PTPRH: variants seen among roughly 807,000 people sequenced by gnomAD.
The protein encoded by PTPRH is receptor-type tyrosine-protein phosphatase H.
In PTPRH, 113 loss-of-function variants were observed where a neutral mutation model predicts 130.2. The observed-to-expected ratio is 0.87, with a 90% CI of 0.75 to 1.01. The LOEUF is 1.01. Ranked by LOEUF, PTPRH falls within the 50% of genes least tolerant of loss-of-function variation. The pLI, the probability that PTPRH is intolerant of heterozygous loss-of-function variation, is 0.00. For synonymous variants in PTPRH, 556 were observed against 577.9 expected, an observed-to-expected ratio of 0.96 and a Z score of 0.54; for missense variants, 1,430 against 1,425.0, an observed-to-expected ratio of 1.00 and a Z score of -0.06.
At chr19:55,208,025 G>A (rs1300161977) in intron 1 of PTPRH, among the ~76,000 whole-genome samples, 1 of 21,862 alleles carries the variant, frequency 4.6e-5, no homozygotes, top group Admixed American at 3.1e-4. Context: ...TGGGGGTCTC[G>A]ACCTCTGGTT....
Position 55,186,511 on chromosome 19 carries a change from T to A in PTPRH, c.2596A>T (p.Ile866Phe). 6.7e-7 allele frequency: 1 copy of A among 1,488,562 alleles called. No individual in the cohort carries two copies. The highest frequency in any genetic ancestry group is 1.2e-5 in the South Asian group (1 of 86,034). The allele number at this position is 1,488,562 out of a possible 1,614,324, so 92.2% of individuals were successfully genotyped here. Residue 866 changes from isoleucine to phenylalanine, a missense_variant, in exon 15 of 20, where the codon ATC becomes TTC. Ile to Phe is a conservative substitution (Grantham distance 21). Coordinates refer to ENST00000376350, the MANE Select transcript of PTPRH (RefSeq NM_002842.5). Reference sequence around the variant, plus strand: ...TAGTCAGAGCCTGGCTCCTCATGGATGGGCTTCAGGGGCACCCGGGACCAG... The same window carrying A: ...TAGTCAGAGCCTGGCTCCTCATGGAAGGGCTTCAGGGGCACCCGGGACCAG... ...YDWSRVPLKP[I>F]HEEPGSDYIN...
intron 7 of PTPRH, among the ~76,000 whole-genome samples, chr19:55,199,817 G>A (rs1320783708): frequency 1.4e-5 from 2 of 145,662 alleles, no homozygotes; most frequent in African/African-American, 2.6e-5. Flanking sequence ...AGGAAAGAAA[G>A]AGAAAGAGAG....
At chr19:55,196,409 T>A in intron 10 of PTPRH, 113 bp downstream of exon 10, 1 of 1,316,000 alleles carries the variant, frequency 7.6e-7, no homozygotes, top group East Asian at 2.3e-5. Context: ...ATAAAAAAGA[T>A]GTTTCAAAGG....
In PTPRH at chr19:55,186,261, G is replaced by T. The variant is rs1264606291; in HGVS notation, c.2742C>A (p.Thr914=). ...WRLVWEQQSH[T]LVMLTNCMEA... is the part of the protein sequence containing the mutation. ...CCATGCAGTTGGTCAGCATGACCAG[G>T]GTGTGGCTCTGCTGTTCCCACACCA... Residue 914 remains threonine (T), a synonymous_variant, in exon 16 of 20, where the codon ACC becomes ACA. Transcript: ENST00000376350. 6 of 1,613,520 alleles carry T rather than the reference G, an allele frequency of 3.7e-6. No homozygotes were observed. The African/African-American group carries it at 6.7e-5, about 18-fold the overall frequency.
At chr19:55,207,032 C>G (rs2087087970) in intron 2 of PTPRH, 77 bp from the exon 3 acceptor site, 1 of 1,551,478 alleles carries the variant, frequency 6.4e-7, no homozygotes, top group South Asian at 1.2e-5. Flanking sequence ...AGCTCACGCC[C>G]CAAGTCCAGA....
At chr19:55,195,113 T>A (rs1344862572) in intron 10 of PTPRH, among the ~76,000 whole-genome samples, 1 of 151,564 alleles carries the variant, frequency 6.6e-6, no homozygotes, top group East Asian at 1.9e-4. Context: ...TCACCGGAGG[T>A]CAGGAGTTTG....
At chr19:55,187,927 A>T in intron 13 of PTPRH, 151 bp downstream of exon 13, 1 of 638,154 alleles carries the variant, frequency 1.6e-6, no homozygotes, top group Admixed American at 2.6e-5. Flanking sequence ...GTGGAAAGAT[A>T]ACATGGCTGG....
rs761655592 is a variant in PTPRH, at chr19:55,182,039, G to A, written c.3175C>T (p.Arg1059Trp). The change falls in exon 19 of 20, where the codon CGG (arginine) becomes TGG (tryptophan). Residue 1059 changes from arginine to tryptophan, a missense_variant. Coordinates refer to ENST00000376350, the MANE Select transcript of PTPRH (RefSeq NM_002842.5). ...ACCTCAGTCTGCACCATCAACGGCC[G>A]ACTCTCTCTCATCTTCCTTACAAAG... ...FSFVRKMRES[R>W]PLMVQTEAQY... The A allele has an allele frequency of 1.6e-5, 26 of 1,613,994 alleles. 1 individual carries two copies. Among genetic ancestry groups the A allele is most frequent in the South Asian group, 5.5e-5 (5 of 91,076 alleles).
chr19:55,195,712 T>G (rs1006837236), intron 10 of PTPRH, among the ~76,000 whole-genome samples: 12 of 152,242 alleles, frequency 7.9e-5, no homozygotes, highest in African/African-American at 2.9e-4. Context: ...TAGCTAGGAC[T>G]ACAGACACAC....
At position 55,201,929 on chromosome 19, in the gene PTPRH, G is replaced by T. The variant is rs532888215; in HGVS notation, c.1153+127C>A. 3.5e-6 allele frequency: 5 copies of T among 1,422,666 alleles called. No individual in the cohort carries two copies. The Admixed American group carries it at 8.6e-5, about 25-fold the overall frequency. 88.1% of individuals were successfully genotyped at this position (1,422,666 alleles called of 1,614,324 possible). ...CATCTCCTGAGCTGAGACTGCCCCA[G>T]GATGTGGACATGAGTACCTGGCTCA... is the stretch of plus-strand genomic sequence containing the variant. On this transcript the variant is annotated intron_variant, in intron 6 of 19. Transcript: ENST00000376350.
At position 55,181,819 on chromosome 19, in the gene PTPRH, C is replaced by T; in HGVS notation, c.3283G>A (p.Glu1095Lys). ...TCGTAGATGAGGTTTTCGACATCCT[C>T]ATACGGGACTTCCTTCTCGGCTGGG... ...QAPAEKEVPYEDVENLIYENV... is the reference protein window; with the variant it reads ...QAPAEKEVPYKDVENLIYENV... The change falls in exon 20 of 20, where the codon GAG (glutamate) becomes AAG (lysine). Residue 1095 changes from glutamate (E) to lysine (K), a missense_variant. Transcript: ENST00000376350. 2 of 1,614,222 alleles carry T rather than the reference C, an allele frequency of 1.2e-6. No homozygotes were observed. The highest frequency in any genetic ancestry group is 1.7e-6 in the Non-Finnish European group (2 of 1,180,044).
At position 55,197,267 on chromosome 19, in the gene PTPRH, G is replaced by C; in HGVS notation, c.1840C>G (p.Pro614Ala). Residue 614 changes from proline (P) to alanine (A), a missense_variant, in exon 9 of 20, where the codon CCC becomes GCC. Transcript: ENST00000376350. ...SKGHPRRGQD[P>A]QANWVNQTSR... Reference sequence around the variant, plus strand: ...GTCTGGTTGACCCAATTCGCTTGGGGATCTTGCCCCCTCCGGGGATGTCCC... The same window carrying C: ...GTCTGGTTGACCCAATTCGCTTGGGCATCTTGCCCCCTCCGGGGATGTCCC... 2 of 1,614,250 alleles carry C rather than the reference G, an allele frequency of 1.2e-6. No homozygotes were observed. Among genetic ancestry groups the C allele is most frequent in the Non-Finnish European group, 1.7e-6 (2 of 1,180,050 alleles).
chr19:55,187,651 T>C, intron 13 of PTPRH, 48 bp from the exon 14 acceptor site: 3 of 1,423,742 alleles, frequency 2.1e-6, no homozygotes, highest in Non-Finnish European at 3.0e-6. Context: ...TTTCTCTACT[T>C]TCCCTCGGGG....
intron 5 of PTPRH, among the ~76,000 whole-genome samples, chr19:55,203,139 T>C (rs569767878): frequency 1.3e-4 from 19 of 150,064 alleles, no homozygotes; most frequent in South Asian, 2.1e-4. Context: ...CCATCCTGGC[T>C]AACACGGTGA....
chr19:55,186,015 A>G lies in PTPRH; in HGVS notation c.2779-31T>C, dbSNP rs777900306. ...GGAGGAGGAGGGGTCAGAGAACACAACTCCTCTTACCCAGGTCTGTGGGGT... is the reference window on the plus strand; with the variant it reads ...GGAGGAGGAGGGGTCAGAGAACACAGCTCCTCTTACCCAGGTCTGTGGGGT... On this transcript the variant is annotated intron_variant, in intron 16 of 19. Transcript: ENST00000376350. The G allele has an allele frequency of 1.9e-6, 3 of 1,613,370 alleles. No homozygotes were observed. The Admixed American group carries it at 5.0e-5, about 27-fold the overall frequency.
Position 55,206,923 on chromosome 19 carries a change from T to C in PTPRH, c.118A>G (p.Thr40Ala), listed in dbSNP as rs747477074. Reference sequence around the variant, plus strand: ...AGGGAGATGGAGCTGGTGGTCTGAGTCTCCACTGTCAGGTTCCTCCCTGGG... The same window carrying C: ...AGGGAGATGGAGCTGGTGGTCTGAGCCTCCACTGTCAGGTTCCTCCCTGGG... ...PNPGRNLTVE[T>A]QTTSSISLSW... Residue 40 changes from threonine to alanine, a missense_variant, in exon 3 of 20, where the codon ACT becomes GCT. Coordinates refer to ENST00000376350, the MANE Select transcript of PTPRH (RefSeq NM_002842.5). 1.1e-5 allele frequency: 18 copies of C among 1,608,406 alleles called. No homozygotes were observed. Among genetic ancestry groups the C allele is most frequent in the Non-Finnish European group, 1.4e-5 (17 of 1,176,478 alleles).
At chr19:55,194,658 T>C (rs1366107191) in intron 10 of PTPRH, among the ~76,000 whole-genome samples, 1 of 152,128 alleles carries the variant, frequency 6.6e-6, no homozygotes, top group Admixed American at 6.6e-5. Flanking sequence ...AGGTACCCCA[T>C]TGATTACTGC....
intron 18 of PTPRH, among the ~76,000 whole-genome samples, chr19:55,184,425 G>A (rs2086261554): frequency 6.6e-6 from 1 of 152,208 alleles, no homozygotes; most frequent in African/African-American, 2.4e-5. Context: ...AGTCTCAGGG[G>A]CTGTTACTCT....
chr19:55,209,209 A>G lies in PTPRH; in HGVS notation c.51+174T>C, dbSNP rs952842569. On this transcript the variant is annotated intron_variant, in intron 1 of 19. Transcript: ENST00000376350. The surrounding 1 kb of genome is among the most constrained non-coding windows in gnomAD (Gnocchi z 4.1). ...CCCGCAGCAGACACGACAGTATCTA[A>G]GAGCCCAGGTGTAAGACTCTCCTAC... Among the ~76,000 whole-genome samples the G allele has an allele frequency of 6.6e-6, 1 of 152,052 alleles. No individual in the cohort carries two copies. Among genetic ancestry groups the G allele is most frequent in the Non-Finnish European group, 1.5e-5 (1 of 67,982 alleles).
Sources: allele counts gnomAD v4.1 joint callset (sites outside exome capture counted in the v4.1 genomes callset), GRCh38; gene constraint gnomAD v4.1.1; non-coding constraint Gnocchi (gnomAD v3.1); transcripts MANE v1.5; gene names NCBI Gene and HGNC (gene_info 2026-07-23, HGNC 2026-07-21).